PDE11A: variants seen among roughly 807,000 people sequenced by gnomAD.
PDE11A encodes phosphodiesterase 11A.
In PDE11A, 100 loss-of-function variants were observed where a neutral mutation model predicts 100.5. The observed-to-expected ratio is 1.00, with a 90% CI of 0.85 to 1.18. PDE11A has a LOEUF of 1.18. Among genes scored for constraint, PDE11A ranks in the 50% most tolerant of loss-of-function variants. The probability of loss-of-function intolerance (pLI) is 0.00; values close to 1 mark genes in which losing one functional copy is unlikely to be tolerated. For missense variants in PDE11A, 1,141 were observed against 1,152.6 expected (o/e 0.99, Z 0.15); for synonymous variants, 381 against 420.8 (o/e 0.91, Z 1.16).
intron 9 of PDE11A, among the ~76,000 whole-genome samples, chr2:177,792,278 T>C (rs146557866): frequency 3.7e-4 from 57 of 152,318 alleles, no homozygotes; most frequent in African/African-American, 1.3e-3. Flanking sequence ...TCTTCGGGTA[T>C]AATTGAGCAA....
intron 2 of PDE11A, among the ~76,000 whole-genome samples, chr2:177,960,955 G>C (rs2085625111): frequency 6.6e-6 from 1 of 152,176 alleles, no homozygotes; most frequent in South Asian, 2.1e-4. Flanking sequence ...GTCAATCTTA[G>C]ATAGCAAATG....
rs1352344511 is a variant in PDE11A, at chr2:177,906,386, T to C, written c.1072-1199A>G. On this transcript the variant is annotated intron_variant, in intron 2 of 19. Transcript: ENST00000286063. Reference sequence around the variant, plus strand: ...AAGAATCACCTGGAGTGCAAGGCAATTATGCAGAGGACTTGAGGTACACAA... The same window carrying C: ...AAGAATCACCTGGAGTGCAAGGCAACTATGCAGAGGACTTGAGGTACACAA... Among the ~76,000 whole-genome samples the C allele has an allele frequency of 3.9e-5, 6 of 152,106 alleles. No homozygotes were observed. The South Asian group carries it at 8.3e-4, about 21-fold the overall frequency.
At chr2:177,754,152 A>C (rs988344694) in intron 10 of PDE11A, among the ~76,000 whole-genome samples, 1 of 152,214 alleles carries the variant, frequency 6.6e-6, no homozygotes, top group Non-Finnish European at 1.5e-5. Context: ...ATGCTGACGC[A>C]TGAAGGCTGG....
intron 2 of PDE11A, among the ~76,000 whole-genome samples, chr2:177,932,273 T>C (rs2085217675): frequency 6.6e-6 from 1 of 152,116 alleles, no homozygotes; most frequent in Non-Finnish European, 1.5e-5. Flanking sequence ...GTCTAAAAAA[T>C]TGAAGAGGAG....
intron 7 of PDE11A, among the ~76,000 whole-genome samples, chr2:177,819,854 C>CTCTCTT (rs1553478501): frequency 0.011 from 806 of 76,390 alleles, 25 homozygotes; most frequent in African/African-American, 0.026. Flanking sequence ...ATTTCTCTTT[C>CTCTCTT]TCTCTTTCTC....
chr2:177,803,081 G>C (rs1282717952), intron 9 of PDE11A, among the ~76,000 whole-genome samples: 3 of 151,650 alleles, frequency 2.0e-5, no homozygotes, highest in Non-Finnish European at 4.4e-5. Context: ...GTAAAAAAAA[G>C]ATAACAAATA....
At chr2:177,920,976 G>T (rs1458865994) in intron 2 of PDE11A, among the ~76,000 whole-genome samples, 2 of 151,612 alleles carry the variant, frequency 1.3e-5, no homozygotes, top group Admixed American at 6.6e-5. Context: ...GCAGGAGAAT[G>T]GTGTGAACCC....
At chr2:177,931,041 T>G (rs931764407) in intron 2 of PDE11A, among the ~76,000 whole-genome samples, 6 of 152,192 alleles carry the variant, frequency 3.9e-5, no homozygotes, top group Non-Finnish European at 7.3e-5. Context: ...CAAGAACATC[T>G]TTTTGTTATT....
intron 9 of PDE11A, among the ~76,000 whole-genome samples, chr2:177,791,191 G>A (rs1007837357): frequency 6.6e-6 from 1 of 151,958 alleles, no homozygotes; most frequent in African/African-American, 2.4e-5. Context: ...TATACACCAT[G>A]AAATACTATG....
chr2:177,794,125 AAAAC>A (rs1457974705), intron 9 of PDE11A, among the ~76,000 whole-genome samples: 1 of 152,122 alleles, frequency 6.6e-6, no homozygotes, highest in African/African-American at 2.4e-5. Context: ...GCTATGGAGA[AAAAC>A]AAAGCAGGGA....
At chr2:177,631,376 G>A (rs572190833) in intron 19 of PDE11A, among the ~76,000 whole-genome samples, 1 of 144,290 alleles carries the variant, frequency 6.9e-6, no homozygotes, top group South Asian at 2.2e-4. Context: ...AGCTACTTGG[G>A]AGGCTGAGGC....
chr2:178,025,692 G>GT (rs1191303429), intron 1 of PDE11A, among the ~76,000 whole-genome samples: 7 of 152,134 alleles, frequency 4.6e-5, no homozygotes, highest in Non-Finnish European at 1.0e-4. Flanking sequence ...ATCTATTACC[G>GT]TAAGTCTGCA....
intron 6 of PDE11A, among the ~76,000 whole-genome samples, chr2:177,835,983 G>T (rs1344133061): frequency 1.3e-5 from 2 of 152,202 alleles, no homozygotes; most frequent in East Asian, 3.9e-4. Flanking sequence ...TGCTGCCCGA[G>T]CCTCCCCGAC....
chr2:177,728,705 G>A (rs2081639325), intron 10 of PDE11A, among the ~76,000 whole-genome samples: 1 of 152,126 alleles, frequency 6.6e-6, no homozygotes, highest in Non-Finnish European at 1.5e-5. Context: ...CATCTCTGGT[G>A]GGAAATATGT....
chr2:177,641,023 T>A (rs2080133735), intron 19 of PDE11A, among the ~76,000 whole-genome samples: 2 of 152,196 alleles, frequency 1.3e-5, no homozygotes, highest in African/African-American at 4.8e-5. Context: ...CTGTTTTAAA[T>A]CTGCTGCAGC....
At chr2:177,836,740 C>A (rs140905604) in intron 6 of PDE11A, among the ~76,000 whole-genome samples, 1 of 152,242 alleles carries the variant, frequency 6.6e-6, no homozygotes, top group Non-Finnish European at 1.5e-5. Flanking sequence ...AGTGAGACCA[C>A]GAACTCACCT....
At chr2:177,652,970 A>T (rs2080331900) in intron 19 of PDE11A, among the ~76,000 whole-genome samples, 1 of 152,196 alleles carries the variant, frequency 6.6e-6, no homozygotes, top group African/African-American at 2.4e-5. Flanking sequence ...AATGCAAGGC[A>T]CTGAAAGACA....
intron 10 of PDE11A, among the ~76,000 whole-genome samples, chr2:177,767,735 G>A (rs1475101300): frequency 1.3e-5 from 2 of 151,922 alleles, no homozygotes. Context: ...TAGAACCATT[G>A]GTGCTCTTCA....
At chr2:177,723,509 C>A (rs910116784) in intron 12 of PDE11A, among the ~76,000 whole-genome samples, 1 of 152,104 alleles carries the variant, frequency 6.6e-6, no homozygotes, top group African/African-American at 2.4e-5. Flanking sequence ...GTGAATTCTG[C>A]AAGATCATAA....
Sources: gnomAD v4.1 joint callset for allele counts (sites outside exome capture counted in the v4.1 genomes callset) on GRCh38, gnomAD v4.1.1 for gene constraint, MANE v1.5 for transcripts, NCBI Gene and HGNC (gene_info 2026-07-23, HGNC 2026-07-21) for gene names.